The following DOK3 variants were observed in gnomAD, a reference collection of about 807,000 sequenced individuals.
The protein encoded by DOK3 is Dok-like protein.
A neutral mutation model predicts 26.2 loss-of-function variants in DOK3; 23 were observed. That is an observed-to-expected ratio of 0.88 (90% CI 0.63 to 1.24). The LOEUF is 1.24. Ranked by LOEUF, DOK3 falls within the 50% of genes most tolerant of loss-of-function variation. DOK3 has a pLI of 0.00. For missense variants in DOK3, 619 were observed against 610.6 expected (o/e 1.01, Z -0.15); for synonymous variants, 268 against 268.2 (o/e 1.00, Z 0.01).
Position 177,509,667 on chromosome 5 carries a change from G to T in DOK3, c.-117-10C>A, listed in dbSNP as rs200109521. The T allele has an allele frequency of 6.3e-7, 1 of 1,579,274 alleles. No homozygotes were observed. Among genetic ancestry groups the T allele is most frequent in the Non-Finnish European group, 8.6e-7 (1 of 1,156,700 alleles). The stretch of plus-strand genomic sequence containing the variant: ...CTCCGTCTAGAGACAGCTGCAGGCC[G>T]GGGGGAGGGGAGCCTGTCTTCAGCT... On this transcript the variant is annotated splice_polypyrimidine_tract_variant and intron_variant, in intron 1 of 5. Transcript: ENST00000510898.
At position 177,503,692 on chromosome 5, in the gene DOK3, C is replaced by T. The variant is rs572004585; in HGVS notation, c.*291G>A. 1.3e-5 allele frequency: 18 copies of T among 1,397,834 alleles called. No homozygotes were observed. The Admixed American group carries it at 3.8e-4, about 30-fold the overall frequency. 86.6% of individuals were successfully genotyped at this position (1,397,834 alleles called of 1,614,324 possible). ...GCAGGTAAGGCCCAGGTCACCTGTG[C>T]CCCTGGAACCGGCACAGGGTGCTTG... On this transcript the variant is annotated 3_prime_UTR_variant, in exon 6 of 6. Transcript: ENST00000510898.
Position 177,509,674 on chromosome 5 carries a change from G to A in DOK3, c.-117-17C>T, listed in dbSNP as rs958269174. 6 of 1,592,200 alleles carry A rather than the reference G, an allele frequency of 3.8e-6. No homozygotes were observed. The highest frequency in any genetic ancestry group is 5.1e-6 in the Non-Finnish European group (6 of 1,166,236). ...TAGAGACAGCTGCAGGCCGGGGGGA[G>A]GGGAGCCTGTCTTCAGCTCAGGGGC... On this transcript the variant is annotated splice_polypyrimidine_tract_variant and intron_variant, in intron 1 of 5. Transcript: ENST00000510898.
Position 177,504,141 on chromosome 5 carries a change from T to A in DOK3, c.1165A>T (p.Asn389Tyr). The A allele has an allele frequency of 6.2e-7, 1 of 1,613,904 alleles. No homozygotes were observed. Among genetic ancestry groups the A allele is most frequent in the Non-Finnish European group, 8.5e-7 (1 of 1,179,886 alleles). ...GQDLSWPGPA[N>Y]DSTLEAQYRR... is the part of the protein sequence containing the mutation. ...TACTGGGCCTCCAGGGTACTGTCGTTGGCCGGGCCGGGCCAGCTCAAGTCC... is the reference window on the plus strand; with the variant it reads ...TACTGGGCCTCCAGGGTACTGTCGTAGGCCGGGCCGGGCCAGCTCAAGTCC... Residue 389 changes from asparagine (N) to tyrosine (Y), a missense_variant, in exon 6 of 6, where the codon AAC becomes TAC. Transcript: ENST00000510898.
In DOK3 at chr5:177,502,699, C is replaced by A. The variant is rs1759473205; in HGVS notation, c.*1284G>T. ...GGTCTCTTGTGGCAGGGAGTGCCTG[C>A]CTTGCACTGTTAAGAAGGATGCAGG... On this transcript the variant is annotated 3_prime_UTR_variant, in exon 6 of 6. Coordinates refer to ENST00000510898, the MANE Select transcript of DOK3 (RefSeq NM_001308236.3). The A allele has an allele frequency of 4.0e-6, 1 of 249,332 alleles. No individual in the cohort carries two copies. The highest frequency in any genetic ancestry group is 9.8e-5 in the South Asian group (1 of 10,208). The allele number at this position is 249,332 out of a possible 1,614,324, so 15.4% of individuals were successfully genotyped here.
chr5:177,503,012 G>C lies in DOK3; in HGVS notation c.*971C>G. The stretch of plus-strand genomic sequence containing the variant: ...GAGGATGAGGCTTGGACAGGAGAGA[G>C]CAAAAATTGTGTGTCCGTCATGAAA... On this transcript the variant is annotated 3_prime_UTR_variant, in exon 6 of 6. Coordinates refer to ENST00000510898, the MANE Select transcript of DOK3 (RefSeq NM_001308236.3). The C allele has an allele frequency of 6.7e-7, 1 of 1,489,396 alleles. No homozygotes were observed. Among genetic ancestry groups the C allele is most frequent in the Non-Finnish European group, 9.0e-7 (1 of 1,108,998 alleles). The allele number at this position is 1,489,396 out of a possible 1,614,324, so 92.3% of individuals were successfully genotyped here. A position where few individuals can be genotyped will look rare whatever the true frequency, so the allele number is the denominator to read the frequency against.
Position 177,503,327 on chromosome 5 carries a change from T to C in DOK3, c.*656A>G. ...GCAAACTCTCATCAAGGATTATGCC[T>C]GATACGTCATCGGTTCTCTCTCCTT... On this transcript the variant is annotated 3_prime_UTR_variant, in exon 6 of 6. Coordinates refer to ENST00000510898, the MANE Select transcript of DOK3 (RefSeq NM_001308236.3). 4 of 1,551,376 alleles carry C rather than the reference T, an allele frequency of 2.6e-6. No individual in the cohort carries two copies. Among genetic ancestry groups the C allele is most frequent in the Non-Finnish European group, 3.5e-6 (4 of 1,146,656 alleles).
At position 177,504,613 on chromosome 5, in the gene DOK3, G is replaced by GC; in HGVS notation, c.692dup (p.Leu232ProfsTer11). The GC allele has an allele frequency of 1.2e-6, 2 of 1,611,602 alleles. No individual in the cohort carries two copies. Among genetic ancestry groups the GC allele is most frequent in the Non-Finnish European group, 1.7e-6 (2 of 1,179,504 alleles). On this transcript the variant is annotated frameshift_variant, in exon 6 of 6. Coordinates refer to ENST00000510898, the MANE Select transcript of DOK3 (RefSeq NM_001308236.3). LOFTEE classifies it low-confidence loss of function (END_TRUNC). ...CACAGGGGGTGCTGAAGGCAAAGAG[G>GC]CCCTCACCCGAGTGGCAGCGACGGC...
chr5:177,503,166 G>A lies in DOK3; in HGVS notation c.*817C>T, dbSNP rs769407164. The A allele has an allele frequency of 8.0e-6, 12 of 1,508,292 alleles. No individual in the cohort carries two copies. The highest frequency in any genetic ancestry group is 4.2e-5 in the Admixed American group (2 of 47,204). 93.4% of individuals were successfully genotyped at this position (1,508,292 alleles called of 1,614,324 possible). On this transcript the variant is annotated 3_prime_UTR_variant, in exon 6 of 6. Transcript: ENST00000510898. ...GCTCCTAGGATGGCGCCAGGAGCAG[G>A]AGCAGAGGAGGGAACGCAGCATGGA... is the stretch of plus-strand genomic sequence containing the variant.
At chr5:177,510,222 G>C (rs1286587503), upstream of DOK3, 2 of 347,324 alleles carry the variant, frequency 5.8e-6, no homozygotes, top group African/African-American at 4.1e-5. Context: ...GTTCTGGCCT[G>C]CATCTCCCCC....
chr5:177,506,482 T>C (rs1180732112), intron 3 of DOK3, among the ~76,000 whole-genome samples: 1 of 150,278 alleles, frequency 6.7e-6, no homozygotes, highest in Non-Finnish European at 1.5e-5. Context: ...TACAGGCGTG[T>C]GCCACCACAC....
rs375731432 is a variant in DOK3, at chr5:177,504,562, G to A, written c.744C>T (p.Ala248=). Reference sequence around the variant, plus strand: ...GCTCCCGCTGGCGGGCGATGGCCCCGGCCACAGCCCTGCACAGGTCAGGGG... The same window carrying A: ...GCTCCCGCTGGCGGGCGATGGCCCCAGCCACAGCCCTGCACAGGTCAGGGG... ...PCAPDLCRAV[A]GAIARQRERL... Residue 248 remains alanine (A), a synonymous_variant, in exon 6 of 6, where the codon GCC becomes GCT. Transcript: ENST00000510898. 3.2e-5 allele frequency: 51 copies of A among 1,598,224 alleles called. No homozygotes were observed. The highest frequency in any genetic ancestry group is 1.7e-4 in the Middle Eastern group (1 of 5,850).
rs371082735 is a variant in DOK3 at position 177,508,505 on chromosome 5, C to T, written c.104G>A (p.Gly35Glu). 41 of 1,585,072 alleles carry T rather than the reference C, an allele frequency of 2.6e-5. No individual in the cohort carries two copies. Among genetic ancestry groups the T allele is most frequent in the Non-Finnish European group, 3.3e-5 (39 of 1,165,556 alleles). ...WRKVWALLYA[G>E]GPSGVARLES... Reference sequence around the variant, plus strand: ...CAGCCGTGCCACGCCTGATGGGCCTCCTGCATACAGCAGAGCCCACACCTT... The same window carrying T: ...CAGCCGTGCCACGCCTGATGGGCCTTCTGCATACAGCAGAGCCCACACCTT... Residue 35 changes from glycine to glutamate, a missense_variant, in exon 3 of 6, where the codon GGA becomes GAA. Transcript: ENST00000510898.
Position 177,502,022 on chromosome 5 carries a change from C to T in DOK3, c.*1961G>A, listed in dbSNP as rs1759404123. ...GGGTTGAGCTACACTACATCTGAGC[C>T]TAGGACCCTGGGAAGAACTCAGAGA... On this transcript the variant is annotated 3_prime_UTR_variant, in exon 6 of 6. Coordinates refer to ENST00000510898, the MANE Select transcript of DOK3 (RefSeq NM_001308236.3). 1 of 152,250 alleles carries T rather than the reference C, an allele frequency of 6.6e-6. No individual in the cohort carries two copies. Among genetic ancestry groups the T allele is most frequent in the South Asian group, 2.1e-4 (1 of 4,832 alleles). The allele number at this position is 152,250 out of a possible 1,614,324, so 9.4% of individuals were successfully genotyped here.
upstream of DOK3, chr5:177,510,136 A>G (rs1760812025): frequency 7.1e-6 from 4 of 562,362 alleles, no homozygotes; most frequent in Non-Finnish European, 9.5e-6. Context: ...CACTCTCCAC[A>G]ACCCAAGACC....
At position 177,503,239 on chromosome 5, in the gene DOK3, C is replaced by T. The variant is rs1299876904; in HGVS notation, c.*744G>A. On this transcript the variant is annotated 3_prime_UTR_variant, in exon 6 of 6. Transcript: ENST00000510898. ...CCCTGGAATGTCGGCTCCCGGAGAA[C>T]AGGACCAAGGCTGTCCTGAACACGG... 6.4e-7 allele frequency: 1 copy of T among 1,551,686 alleles called. No homozygotes were observed. The highest frequency in any genetic ancestry group is 1.4e-5 in the African/African-American group (1 of 73,148).
intron 3 of DOK3, 57 bp from the exon 4 acceptor site, chr5:177,505,167 T>TC (rs1470237745): frequency 1.4e-6 from 2 of 1,456,352 alleles, no homozygotes; most frequent in African/African-American, 2.8e-5. Flanking sequence ...CCCTGTCCCC[T>TC]CCCCTCAGTA....
intron 3 of DOK3, among the ~76,000 whole-genome samples, chr5:177,505,649 C>T (rs1760031015): frequency 6.6e-6 from 1 of 152,192 alleles, no homozygotes; most frequent in African/African-American, 2.4e-5. Flanking sequence ...CTGTCAACTG[C>T]CTTTTTTTTT....
chr5:177,504,702 A>G (rs1759834549), intron 5 of DOK3, 41 bp downstream of exon 5: 3 of 1,613,702 alleles, frequency 1.9e-6, no homozygotes, highest in South Asian at 1.1e-5. Context: ...AGGAGGGTCC[A>G]GGGTGTCAGC....
At chr5:177,507,184 TTTTC>T (rs1315847937) in intron 3 of DOK3, among the ~76,000 whole-genome samples, 10 of 151,394 alleles carry the variant, frequency 6.6e-5, no homozygotes, top group African/African-American at 1.5e-4. Flanking sequence ...TTCTTTCTTC[TTTTC>T]TTTTTTTTTT....
Sources: allele counts gnomAD v4.1 joint callset (sites outside exome capture counted in the v4.1 genomes callset), GRCh38; gene constraint gnomAD v4.1.1; transcripts MANE v1.5; gene names NCBI Gene and HGNC (gene_info 2026-07-23, HGNC 2026-07-21).